The following PYGO1 variants were observed in gnomAD, a reference collection of about 807,000 sequenced individuals.
The protein encoded by PYGO1 is pygopus homolog 1.
In PYGO1, 6 loss-of-function variants were observed where a neutral mutation model predicts 29.5. The observed-to-expected ratio is 0.20, with a 90% confidence interval of 0.11 to 0.40. PYGO1 has a LOEUF of 0.40. Among genes scored for constraint, PYGO1 ranks in the 10% least tolerant of loss-of-function variants. The pLI is 1.00. For synonymous variants in PYGO1, 186 were observed against 180.5 expected, an observed-to-expected ratio of 1.03 and a Z score of -0.24; for missense variants, 515 against 514.9, an observed-to-expected ratio of 1.00 and a Z score of 0.00.
chr15:55,567,158 GCTT>G (rs2058960199), intron 1 of PYGO1, among the ~76,000 whole-genome samples: 1 of 130,640 alleles, frequency 7.7e-6, no homozygotes, highest in Non-Finnish European at 1.6e-5. Flanking sequence ...CACTTGCACG[GCTT>G]CTTTTGAGAA....
In PYGO1 at chr15:55,543,447, C is replaced by T. The variant is rs1056335927; in HGVS notation, c.*2576G>A. On this transcript the variant is annotated 3_prime_UTR_variant, in exon 3 of 3. Coordinates refer to ENST00000563719, the MANE Select transcript of PYGO1 (RefSeq NM_001367806.1). ...CTATCAGAATGAACCGTGAGTTTTT[C>T]TTTTGAATATTTACAGATTCTTATT... 6.6e-6 allele frequency: 1 copy of T among 152,128 alleles called. No individual in the cohort carries two copies. The allele number at this position is 152,128 out of a possible 1,614,324, so 9.4% of individuals were successfully genotyped here. A position where few individuals can be genotyped will look rare whatever the true frequency, so the allele number is the denominator to read the frequency against.
At chr15:55,559,878 A>G (rs1204425506) in intron 1 of PYGO1, among the ~76,000 whole-genome samples, 1 of 152,224 alleles carries the variant, frequency 6.6e-6, no homozygotes, top group Non-Finnish European at 1.5e-5. Context: ...TGCAAGCTTG[A>G]TTCAACAGAT....
At chr15:55,550,961 C>G (rs532262845) in intron 1 of PYGO1, among the ~76,000 whole-genome samples, 1 of 152,314 alleles carries the variant, frequency 6.6e-6, no homozygotes, top group South Asian at 2.1e-4. Flanking sequence ...CTCAGATCAT[C>G]AAGCATTAGA....
intron 1 of PYGO1, among the ~76,000 whole-genome samples, chr15:55,564,041 A>G (rs1328948427): frequency 6.6e-6 from 1 of 152,228 alleles, no homozygotes; most frequent in Admixed American, 6.5e-5. Context: ...TAAAGTTATC[A>G]TATGATCCAG....
chr15:55,566,189 G>A (rs1026268421), intron 1 of PYGO1, among the ~76,000 whole-genome samples: 11 of 152,138 alleles, frequency 7.2e-5, no homozygotes, highest in African/African-American at 2.7e-4. Flanking sequence ...TGTCACCCAG[G>A]TGCTGAGCAT....
intron 1 of PYGO1, among the ~76,000 whole-genome samples, chr15:55,586,325 GT>G (rs1343700280): frequency 6.6e-6 from 1 of 152,132 alleles, no homozygotes; most frequent in Non-Finnish European, 1.5e-5. Context: ...AAGATGCCCT[GT>G]TTAAAATGTC....
chr15:55,576,283 C>G (rs112353931), intron 1 of PYGO1, among the ~76,000 whole-genome samples: 4 of 147,034 alleles, frequency 2.7e-5, no homozygotes, highest in African/African-American at 1.0e-4. Context: ...GGTGAAACCC[C>G]GTCTCTACTA....
chr15:55,558,699 T>A (rs775661695), intron 1 of PYGO1, among the ~76,000 whole-genome samples: 1 of 151,978 alleles, frequency 6.6e-6, no homozygotes, highest in Non-Finnish European at 1.5e-5. Flanking sequence ...AACCATCTGA[T>A]CTTTGACAAA....
At chr15:55,587,274 T>A (rs1225336521) in intron 1 of PYGO1, among the ~76,000 whole-genome samples, 1 of 152,082 alleles carries the variant, frequency 6.6e-6, no homozygotes, top group Non-Finnish European at 1.5e-5. Flanking sequence ...TTTTAGATAA[T>A]ATCTTATCCA....
upstream of PYGO1, chr15:55,588,877 C>A: frequency 1.2e-6 from 2 of 1,610,806 alleles, no homozygotes; most frequent in Non-Finnish European, 1.7e-6. Context: ...TCCCCGACTC[C>A]GTGTCCGCGT....
rs1263388144 is a variant in PYGO1, at chr15:55,545,891, T to TGA, written c.*130_*131dup. 5.7e-6 allele frequency: 6 copies of TGA among 1,044,070 alleles called. No individual in the cohort carries two copies. Among genetic ancestry groups the TGA allele is most frequent in the Non-Finnish European group, 6.7e-6 (5 of 743,110 alleles). 64.7% of individuals were successfully genotyped at this position (1,044,070 alleles called of 1,614,324 possible). Reference sequence around the variant, plus strand: ...TAAAAAATTTGCTCTAGTGATGAAGTGATTAATAAAAACTAAGTAAATAAT... The same window carrying TGA: ...TAAAAAATTTGCTCTAGTGATGAAGTGAGATTAATAAAAACTAAGTAAATAAT... On this transcript the variant is annotated 3_prime_UTR_variant, in exon 3 of 3. Coordinates refer to ENST00000563719, the MANE Select transcript of PYGO1 (RefSeq NM_001367806.1).
intron 1 of PYGO1, among the ~76,000 whole-genome samples, chr15:55,572,226 C>A (rs1000881965): frequency 6.6e-6 from 1 of 152,224 alleles, no homozygotes; most frequent in Admixed American, 6.5e-5. Context: ...GGAACACAAT[C>A]AAGAGCCCAG....
intron 1 of PYGO1, among the ~76,000 whole-genome samples, chr15:55,553,991 CAAT>C (rs967922899): frequency 8.5e-5 from 13 of 152,124 alleles, no homozygotes; most frequent in Non-Finnish European, 1.3e-4. Flanking sequence ...ATGTCAACAA[CAAT>C]ATCAACAAAA....
chr15:55,575,681 G>C, intron 1 of PYGO1, among the ~76,000 whole-genome samples: 1 of 152,142 alleles, frequency 6.6e-6, no homozygotes, highest in Non-Finnish European at 1.5e-5. Flanking sequence ...TTGGCAGTTT[G>C]TTTCAGTCAT....
Position 55,588,130 on chromosome 15 carries a change from G to C in PYGO1, c.-247C>G, listed in dbSNP as rs2059057723. 1.2e-6 allele frequency: 1 copy of C among 846,980 alleles called. No individual in the cohort carries two copies. 52.5% of individuals were successfully genotyped at this position (846,980 alleles called of 1,614,324 possible). A position where few individuals can be genotyped will look rare whatever the true frequency, so the allele number is the denominator to read the frequency against. ...CGGGGCTCAGCGGCGGTGGCCGGGA[G>C]CGCGGCCTGGGGGCGGCCCCCCACC... On this transcript the variant is annotated 5_prime_UTR_variant, in exon 1 of 3. Transcript: ENST00000563719.
At chr15:55,560,562 C>T (rs989709753) in intron 1 of PYGO1, among the ~76,000 whole-genome samples, 3 of 152,180 alleles carry the variant, frequency 2.0e-5, no homozygotes, top group Non-Finnish European at 4.4e-5. Flanking sequence ...ATTCCATCCT[C>T]ATGGATAGGA....
intron 2 of PYGO1, 127 bp from the exon 3 acceptor site, chr15:55,547,274 T>G (rs1468929185): frequency 1.4e-6 from 1 of 695,002 alleles, no homozygotes; most frequent in Non-Finnish European, 2.2e-6. Context: ...CAAACATTTA[T>G]TATCTTCACT....
intron 1 of PYGO1, among the ~76,000 whole-genome samples, chr15:55,587,261 T>C (rs1286840769): frequency 6.6e-6 from 1 of 152,200 alleles, no homozygotes; most frequent in Admixed American, 6.5e-5. Context: ...TGCATAACAC[T>C]GATTTTAGAT....
intron 1 of PYGO1, among the ~76,000 whole-genome samples, chr15:55,581,237 A>T (rs888445832): frequency 1.3e-5 from 2 of 152,190 alleles, no homozygotes; most frequent in African/African-American, 4.8e-5. Flanking sequence ...CAAAGGTGGG[A>T]GAAAAAGAGG....
Sources: gnomAD v4.1 joint callset for allele counts (sites outside exome capture counted in the v4.1 genomes callset) on GRCh38, gnomAD v4.1.1 for gene constraint, MANE v1.5 for transcripts, NCBI Gene and HGNC (gene_info 2026-07-23, HGNC 2026-07-21) for gene names.